PTPRM: variants seen among roughly 807,000 people sequenced by gnomAD.
PTPRM encodes the protein protein tyrosine phosphatase receptor type M, also known as receptor-type tyrosine-protein phosphatase mu.
Under a neutral mutation model 186.7 loss-of-function variants are expected in PTPRM, and 47 were observed. That is an observed-to-expected ratio of 0.25 (90% CI 0.20 to 0.32). PTPRM has a LOEUF of 0.32. Among genes scored for constraint, PTPRM ranks in the 10% least tolerant of loss-of-function variants. The pLI is 1.00. For synonymous variants in PTPRM, 668 were observed against 674.9 expected (o/e 0.99, Z 0.16); for missense variants, 1,494 against 1,865.0 (o/e 0.80, Z 3.66).
chr18:7,888,354 A>G lies in PTPRM; in HGVS notation c.445A>G (p.Thr149Ala). ...GAACAGGGCAGAACTGGCCATTAGT[A>G]CTTTCTGGCCTAACTTTTATCAGGT... The part of the protein sequence containing the change: ...TWNRAELAIS[T>A]FWPNFYQVIF... Residue 149 changes from threonine (T) to alanine (A), a missense_variant, in exon 3 of 33, where the codon ACT becomes GCT. This residue lies in a region of PTPRM where 296 missense variants were observed against 345.5 expected (regional missense o/e 0.86). Coordinates refer to ENST00000580170, the MANE Select transcript of PTPRM (RefSeq NM_001105244.2). 1 of 1,611,618 alleles carries G rather than the reference A, an allele frequency of 6.2e-7. No homozygotes were observed. Among genetic ancestry groups the G allele is most frequent in the Non-Finnish European group, 8.5e-7 (1 of 1,178,786 alleles).
intron 13 of PTPRM, among the ~76,000 whole-genome samples, chr18:8,123,868 C>G (rs1273378139): frequency 6.6e-6 from 1 of 152,160 alleles, no homozygotes; most frequent in African/African-American, 2.4e-5. Flanking sequence ...ATGGGTTGTT[C>G]CCACCTTCAT....
intron 2 of PTPRM, among the ~76,000 whole-genome samples, chr18:7,795,179 T>C (rs150714127): frequency 6.6e-6 from 1 of 152,302 alleles, no homozygotes; most frequent in East Asian, 1.9e-4. Context: ...TGCCTCTGAT[T>C]TTCTGTTGCC....
chr18:8,057,002 T>G (rs1007195902), intron 7 of PTPRM, among the ~76,000 whole-genome samples: 3 of 151,928 alleles, frequency 2.0e-5, no homozygotes, highest in Non-Finnish European at 2.9e-5. Context: ...ATTTTATTTA[T>G]TTAATGTAAT....
chr18:8,040,476 A>G (rs555337555), intron 7 of PTPRM, among the ~76,000 whole-genome samples: 5 of 152,308 alleles, frequency 3.3e-5, no homozygotes, highest in Admixed American at 1.3e-4. Flanking sequence ...GTTCAAGGTC[A>G]TTGAAAGCGG....
intron 11 of PTPRM, among the ~76,000 whole-genome samples, chr18:8,091,586 G>C (rs370615073): frequency 1.8e-4 from 24 of 135,996 alleles, no homozygotes; most frequent in African/African-American, 6.5e-4. Context: ...CTGTCGAAAA[G>C]ATTTTTTTTT....
intron 13 of PTPRM, among the ~76,000 whole-genome samples, chr18:8,115,967 A>T (rs933665857): frequency 6.6e-6 from 1 of 152,160 alleles, no homozygotes; most frequent in African/African-American, 2.4e-5. Context: ...TTGTAGTTCT[A>T]TATCCAAAAA....
rs959689744 is a variant in PTPRM, at chr18:8,406,838, T to C, written c.*676T>C. The C allele has an allele frequency of 6.6e-6, 1 of 152,254 alleles. No homozygotes were observed. The allele number at this position is 152,254 out of a possible 1,614,324, so 9.4% of individuals were successfully genotyped here. On this transcript the variant is annotated 3_prime_UTR_variant, in exon 33 of 33. Transcript: ENST00000580170. ...TGATTTCATCAAATTATTTATTCAT[T>C]AAAAGAAATTTTTGTGAAGCACAGT...
intron 22 of PTPRM, among the ~76,000 whole-genome samples, chr18:8,323,756 G>A (rs566289448): frequency 3.7e-4 from 57 of 152,228 alleles, no homozygotes; most frequent in Admixed American, 1.9e-3. Context: ...CCATGCCCAC[G>A]TGAGAACAGG....
At chr18:7,941,517 A>G (rs1003298356) in intron 5 of PTPRM, among the ~76,000 whole-genome samples, 1 of 152,198 alleles carries the variant, frequency 6.6e-6, no homozygotes, top group Admixed American at 6.5e-5. Context: ...ATCTTGTTTT[A>G]ATTTATTGTT....
At chr18:7,667,697 CTT>C (rs1316503331) in intron 1 of PTPRM, among the ~76,000 whole-genome samples, 1 of 151,972 alleles carries the variant, frequency 6.6e-6, no homozygotes, top group East Asian at 1.9e-4. Context: ...TAAAGAGACA[CTT>C]AGTAAACTAT....
At chr18:8,297,461 C>T (rs1450895179) in intron 20 of PTPRM, among the ~76,000 whole-genome samples, 1 of 152,162 alleles carries the variant, frequency 6.6e-6, no homozygotes, top group Non-Finnish European at 1.5e-5. Flanking sequence ...TTTCCTGTGA[C>T]TGCAGAAATG....
chr18:8,159,808 T>A (rs1230142056), intron 14 of PTPRM, among the ~76,000 whole-genome samples: 1 of 152,174 alleles, frequency 6.6e-6, no homozygotes, highest in South Asian at 2.1e-4. Context: ...AAAATACTCT[T>A]CTTTCATGCA....
chr18:7,586,918 ACT>A (rs968623076), intron 1 of PTPRM, among the ~76,000 whole-genome samples: 10 of 151,818 alleles, frequency 6.6e-5, no homozygotes, highest in African/African-American at 2.4e-4. Context: ...ATATGAACAA[ACT>A]TTTATTTAAT....
chr18:8,141,901 C>A (rs2146099211), intron 13 of PTPRM, among the ~76,000 whole-genome samples: 1 of 152,202 alleles, frequency 6.6e-6, no homozygotes, highest in South Asian at 2.1e-4. Context: ...AATGTTACTT[C>A]TTTTTGTATA....
At chr18:8,357,578 C>T (rs949267260) in intron 23 of PTPRM, among the ~76,000 whole-genome samples, 2 of 152,052 alleles carry the variant, frequency 1.3e-5, no homozygotes, top group African/African-American at 2.4e-5. Flanking sequence ...CTCTCACGAT[C>T]GTTTAATGAA....
At chr18:8,383,155 G>A (rs1475079903) in intron 29 of PTPRM, among the ~76,000 whole-genome samples, 1 of 151,514 alleles carries the variant, frequency 6.6e-6, no homozygotes, top group South Asian at 2.1e-4. Flanking sequence ...AAAATTAGCC[G>A]GGCGTGGTGG....
intron 7 of PTPRM, among the ~76,000 whole-genome samples, chr18:7,958,392 A>G (rs8087998): frequency 0.38 from 57,776 of 151,824 alleles, 13,020 homozygotes; most frequent in African/African-American, 0.63. Flanking sequence ...CCATGGGGAG[A>G]GCAATCAGGA....
intron 23 of PTPRM, among the ~76,000 whole-genome samples, chr18:8,358,209 A>G (rs2095574609): frequency 6.6e-6 from 1 of 150,774 alleles, no homozygotes; most frequent in African/African-American, 2.4e-5. Context: ...CATTCCCCAT[A>G]TCTGATCAGA....
chr18:7,743,959 C>T (rs2144532720), intron 1 of PTPRM, among the ~76,000 whole-genome samples: 1 of 152,220 alleles, frequency 6.6e-6, no homozygotes, highest in Admixed American at 6.5e-5. Flanking sequence ...AAATGATTAC[C>T]ATGAAATCAG....
Sources: allele counts gnomAD v4.1 joint callset (sites outside exome capture counted in the v4.1 genomes callset), GRCh38; gene constraint gnomAD v4.1.1; regional missense constraint gnomAD v4.1.1; transcripts MANE v1.5; gene names NCBI Gene and HGNC (gene_info 2026-07-23, HGNC 2026-07-21).